FBXW11: variants seen among roughly 807,000 people sequenced by gnomAD.
The protein encoded by FBXW11 is F-box and WD repeat domain containing 11.
In FBXW11, 19 loss-of-function variants were observed where a neutral mutation model predicts 77.6. That is an observed-to-expected ratio of 0.24 (90% CI 0.17 to 0.36). The LOEUF (loss-of-function observed/expected upper bound fraction) is 0.36. Ranked by LOEUF, FBXW11 falls within the 10% of genes least tolerant of loss-of-function variation. FBXW11 has a pLI of 1.00. For missense variants in FBXW11, 334 were observed against 704.2 expected (o/e 0.47, Z 5.95); for synonymous variants, 235 against 249.4 (o/e 0.94, Z 0.54).
intron 6 of FBXW11, among the ~76,000 whole-genome samples, chr5:171,893,446 A>C (rs1050175345): frequency 8.5e-4 from 126 of 148,104 alleles, no homozygotes; most frequent in African/African-American, 3.1e-3. Flanking sequence ...AAAAAAAAAA[A>C]ACTAACCCAA....
intron 1 of FBXW11, among the ~76,000 whole-genome samples, chr5:171,974,210 G>C (rs775820948): frequency 6.6e-6 from 1 of 152,036 alleles, no homozygotes; most frequent in East Asian, 1.9e-4. Flanking sequence ...CGAGGGTGGC[G>C]AATCACCTGA....
chr5:171,905,909 G>A (rs1760485991), intron 4 of FBXW11, among the ~76,000 whole-genome samples: 1 of 152,036 alleles, frequency 6.6e-6, no homozygotes. Flanking sequence ...GGCAACAAGA[G>A]GACACATTAC....
chr5:171,907,042 C>T (rs1760574459), intron 4 of FBXW11, among the ~76,000 whole-genome samples: 1 of 152,134 alleles, frequency 6.6e-6, no homozygotes, highest in Non-Finnish European at 1.5e-5. Flanking sequence ...ACAATCTGTC[C>T]CTACTTTACA....
chr5:171,877,968 G>T, intron 8 of FBXW11, 43 bp downstream of exon 8: 1 of 1,438,040 alleles, frequency 7.0e-7, no homozygotes, highest in South Asian at 1.2e-5. Context: ...GACTTTCTCA[G>T]GGAAGGCTTA....
At chr5:171,944,492 G>A (rs1411669935) in intron 2 of FBXW11, among the ~76,000 whole-genome samples, 1 of 143,990 alleles carries the variant, frequency 6.9e-6, no homozygotes, top group Admixed American at 7.5e-5. Context: ...GGAGAATGGC[G>A]TGAACCCCGG....
intron 2 of FBXW11, 26 bp downstream of exon 2, chr5:171,957,571 T>G (rs1763680646): frequency 1.9e-6 from 3 of 1,592,372 alleles, no homozygotes; most frequent in Non-Finnish European, 2.6e-6. Flanking sequence ...TAAAAACACA[T>G]TTACAACAAG....
chr5:171,893,421 C>CAAAAAAAAAAAACAAAAAAAAAAA (rs757678376), intron 6 of FBXW11, among the ~76,000 whole-genome samples: 1 of 39,854 alleles, frequency 2.5e-5, no homozygotes, highest in Non-Finnish European at 4.5e-5. Flanking sequence ...ACTTCAAAAC[C>CAAAAAAAAAAAACAAAAAAAAAAA]AAAAAAAAAA....
Position 171,878,048 on chromosome 5 carries a change from G to A in FBXW11, c.934C>T (p.Arg312Cys), listed in dbSNP as rs1346768516. ...GSVLCLQYDERVIVTGSSDST... is the reference protein window; with the variant it reads ...GSVLCLQYDECVIVTGSSDST... ...TCTGAAGAGCCAGTTACAATGACAC[G>A]CTCATCATACTGCAGACAGAGGACA... Residue 312 changes from arginine (R) to cysteine (C), a missense_variant, in exon 8 of 14, where the codon CGT (arginine) becomes TGT (cysteine). Arg to Cys is a radical substitution (Grantham distance 180). Coordinates refer to ENST00000517395, the MANE Select transcript of FBXW11 (RefSeq NM_001378974.1). The A allele has an allele frequency of 4.3e-6, 7 of 1,613,762 alleles. No homozygotes were observed. Among genetic ancestry groups the A allele is most frequent in the Non-Finnish European group, 5.9e-6 (7 of 1,179,848 alleles).
rs1423773758 is a variant in FBXW11 at position 171,904,425 on chromosome 5, T to C, written c.437-4325A>G. 2.0e-5 allele frequency among the ~76,000 whole-genome samples: 3 copies of C among 152,168 alleles called. No homozygotes were observed. Among genetic ancestry groups the C allele is most frequent in the Non-Finnish European group, 4.4e-5 (3 of 68,012 alleles). ...ACCTTCAACCTATCTGGGTGGTCTA[T>C]AAGCCTGTGTGGTTGTATCTGACTC... On this transcript the variant is annotated intron_variant, in intron 4 of 13. Coordinates refer to ENST00000517395, the MANE Select transcript of FBXW11 (RefSeq NM_001378974.1). The surrounding 1 kb of genome is among the most constrained non-coding windows in gnomAD (Gnocchi z 4.0).
At chr5:171,969,679 G>A (rs749114208) in intron 1 of FBXW11, among the ~76,000 whole-genome samples, 2 of 152,096 alleles carry the variant, frequency 1.3e-5, no homozygotes, top group Non-Finnish European at 2.9e-5. Context: ...GCCTTCAAGA[G>A]TATTAAAACT....
At chr5:171,932,545 G>A (rs1053259859) in intron 2 of FBXW11, among the ~76,000 whole-genome samples, 4 of 152,196 alleles carry the variant, frequency 2.6e-5, no homozygotes, top group Middle Eastern at 6.8e-3. Context: ...TAGTGATGAA[G>A]TCAAGGTATT....
intron 1 of FBXW11, among the ~76,000 whole-genome samples, chr5:171,967,570 T>C (rs919888374): frequency 2.6e-5 from 4 of 152,180 alleles, no homozygotes; most frequent in African/African-American, 9.7e-5. Flanking sequence ...CCGGGCATGG[T>C]GGCTCATGCC....
At chr5:171,974,293 G>A (rs895118802) in intron 1 of FBXW11, among the ~76,000 whole-genome samples, 66 of 151,976 alleles carry the variant, frequency 4.3e-4, no homozygotes, top group African/African-American at 1.5e-3. Flanking sequence ...AATTAGCCGG[G>A]CGTGGTGGCA....
intron 1 of FBXW11, among the ~76,000 whole-genome samples, chr5:171,987,672 CA>C (rs1347323080): frequency 4.6e-5 from 7 of 152,118 alleles, no homozygotes; most frequent in African/African-American, 1.2e-4. Context: ...AGTCTGGTCT[CA>C]AACTCCTGAC....
At chr5:171,947,417 G>A (rs1398512189) in intron 2 of FBXW11, among the ~76,000 whole-genome samples, 1 of 152,004 alleles carries the variant, frequency 6.6e-6, no homozygotes, top group South Asian at 2.1e-4. Context: ...TAAAGTCCAG[G>A]GCTGGGTGTG....
intron 1 of FBXW11, chr5:171,977,651 G>A (rs1257063806): frequency 2.2e-6 from 1 of 450,628 alleles, no homozygotes. Flanking sequence ...CACATGGATG[G>A]GGAGGCCTCA....
Position 171,876,180 on chromosome 5 carries a change from G to T in FBXW11, c.1221+105C>A, listed in dbSNP as rs1758071333. 1.5e-6 allele frequency: 2 copies of T among 1,372,860 alleles called. No homozygotes were observed. Among genetic ancestry groups the T allele is most frequent in the Non-Finnish European group, 2.0e-6 (2 of 986,216 alleles). 85.0% of individuals were successfully genotyped at this position (1,372,860 alleles called of 1,614,324 possible). ...CTCAAGGGTTCATAAGCACAGAGGA[G>T]AATAAAGATCTTGCCAGGTACCAGG... On this transcript the variant is annotated intron_variant, in intron 9 of 13. Coordinates refer to ENST00000517395, the MANE Select transcript of FBXW11 (RefSeq NM_001378974.1). The surrounding 1 kb of genome is among the most constrained non-coding windows in gnomAD (Gnocchi z 4.2).
chr5:171,967,762 C>T (rs1764274148), intron 1 of FBXW11, among the ~76,000 whole-genome samples: 1 of 151,070 alleles, frequency 6.6e-6, no homozygotes, highest in African/African-American at 2.4e-5. Flanking sequence ...TCGCTTGAAC[C>T]CGGGAGGCGG....
At chr5:171,954,003 C>A (rs1319710022) in intron 2 of FBXW11, among the ~76,000 whole-genome samples, 8 of 152,128 alleles carry the variant, frequency 5.3e-5, no homozygotes, top group Admixed American at 5.2e-4. Context: ...TGGAAGGAGG[C>A]ACTCAAACTC....
Sources: allele counts gnomAD v4.1 joint callset (sites outside exome capture counted in the v4.1 genomes callset), GRCh38; gene constraint gnomAD v4.1.1; non-coding constraint Gnocchi (gnomAD v3.1); transcripts MANE v1.5; gene names NCBI Gene and HGNC (gene_info 2026-07-23, HGNC 2026-07-21).